HERC1: variants seen among roughly 807,000 people sequenced by gnomAD.
HERC1 encodes HECT and RLD domain containing E3 ubiquitin protein ligase family member 1, also known as probable E3 ubiquitin-protein ligase HERC1.
Under a neutral mutation model 554.3 loss-of-function variants are expected in HERC1, and 160 were observed. The ratio of observed to expected loss-of-function variants is 0.29; its 90% CI spans 0.25 to 0.33. The LOEUF (loss-of-function observed/expected upper bound fraction) is 0.33, where lower values mean the gene tolerates loss of function less well. Among genes scored for constraint, HERC1 ranks in the 10% least tolerant of loss-of-function variants. The pLI, the probability that HERC1 is intolerant of heterozygous loss-of-function variation, is 1.00. For synonymous variants in HERC1, 2,175 were observed against 2,131.7 expected (o/e 1.02, Z -0.56); for missense variants, 4,919 against 5,918.5 (o/e 0.83, Z 5.54).
chr15:63,820,784 C>T (rs1173354005), intron 1 of HERC1, among the ~76,000 whole-genome samples: 1 of 152,078 alleles, frequency 6.6e-6, no homozygotes, highest in Non-Finnish European at 1.5e-5. Flanking sequence ...TCCCAAGTAG[C>T]TAGGACTATA....
intron 48 of HERC1, among the ~76,000 whole-genome samples, chr15:63,656,566 T>A (rs1462559598): frequency 1.3e-5 from 2 of 152,198 alleles, no homozygotes; most frequent in African/African-American, 2.4e-5. Context: ...AGTATTGGCA[T>A]ATACTTGAAG....
intron 1 of HERC1, among the ~76,000 whole-genome samples, chr15:63,806,909 G>A (rs924876718): frequency 2.0e-4 from 31 of 152,102 alleles, no homozygotes; most frequent in Admixed American, 7.2e-4. Flanking sequence ...CACCGCGCCC[G>A]GCTAAGTTTT....
Position 63,727,653 on chromosome 15 carries a change from G to A in HERC1, c.3340C>T (p.Leu1114Phe), listed in dbSNP as rs1446513437. The A allele has an allele frequency of 1.9e-6, 3 of 1,609,560 alleles. No homozygotes were observed. The highest frequency in any genetic ancestry group is 4.5e-5 in the East Asian group (2 of 44,772). Residue 1114 changes from leucine to phenylalanine, a missense_variant, in exon 17 of 78, where the codon CTT becomes TTT. Physicochemically the swap from Leu to Phe is conservative, Grantham distance 22. This residue lies in a region of HERC1 where 1,121 missense variants were observed against 1,244.0 expected (regional missense o/e 0.90). Coordinates refer to ENST00000443617, the MANE Select transcript of HERC1 (RefSeq NM_003922.4). This position sits in a 1 kb window ranked among gnomAD's most constrained non-coding sequence, Gnocchi z 4.3. Reference protein sequence around the residue: ...LLEDQELQWPLHGGPELIDPA... With the variant: ...LLEDQELQWPFHGGPELIDPA... ...TTTTATTGTCTTTACTTACCATGAA[G>A]AGGCCACTGTAACTCCTGGTCTTCT...
At position 63,624,343 on chromosome 15, in the gene HERC1, CG is replaced by C. The variant is rs1566948663; in HGVS notation, c.13276-17del. 1 of 1,565,626 alleles carries C rather than the reference CG, an allele frequency of 6.4e-7. No individual in the cohort carries two copies. The highest frequency in any genetic ancestry group is 1.4e-5 in the African/African-American group (1 of 73,070). On this transcript the variant is annotated splice_polypyrimidine_tract_variant and intron_variant, in intron 71 of 77. Transcript: ENST00000443617. ...ATGTGCTGTTCTGTAACAGAAGGTA[CG>C]GTTATCAGAAATGGTACAATCTAGG...
intron 2 of HERC1, among the ~76,000 whole-genome samples, chr15:63,766,519 C>T (rs908899969): frequency 9.2e-5 from 14 of 152,124 alleles, no homozygotes; most frequent in Admixed American, 7.2e-4. Flanking sequence ...ACCCAGGAGG[C>T]GGAGGTTGCA....
In HERC1 at chr15:63,689,146, C is replaced by T. The variant is rs374778145; in HGVS notation, c.6048+443G>A. Among the ~76,000 whole-genome samples the T allele has an allele frequency of 3.3e-5, 5 of 152,006 alleles. No homozygotes were observed. In the East Asian group the frequency reaches 5.8e-4, roughly 18 times the overall value. On this transcript the variant is annotated intron_variant, in intron 33 of 77. Transcript: ENST00000443617. ...GAATATACGGAGATCCGGGAGAAAG[C>T]GTTTTGAAAATAACAAAAGGCTAGA... is the stretch of plus-strand genomic sequence containing the variant.
intron 1 of HERC1, among the ~76,000 whole-genome samples, chr15:63,807,310 C>T (rs1158372217): frequency 6.6e-6 from 1 of 152,070 alleles, no homozygotes; most frequent in East Asian, 1.9e-4. Context: ...TTGAGAGGCA[C>T]ACATAGGAGG....
intron 37 of HERC1, among the ~76,000 whole-genome samples, chr15:63,675,683 T>A (rs2071161973): frequency 6.6e-6 from 1 of 152,202 alleles, no homozygotes; most frequent in Non-Finnish European, 1.5e-5. Flanking sequence ...GCCTCTATAG[T>A]TTAAGCCAAA....
intron 40 of HERC1, among the ~76,000 whole-genome samples, chr15:63,667,215 A>T (rs1263840011): frequency 6.6e-6 from 1 of 152,238 alleles, no homozygotes; most frequent in Non-Finnish European, 1.5e-5. Context: ...TACTGATCAG[A>T]TGATGGAAAT....
Position 63,651,299 on chromosome 15 carries a change from A to G in HERC1, c.10500T>C (p.Tyr3500=), listed in dbSNP as rs1426043898. The G allele has an allele frequency of 6.2e-7, 1 of 1,613,802 alleles. No homozygotes were observed. The highest frequency in any genetic ancestry group is 1.3e-5 in the African/African-American group (1 of 74,948). The change falls in exon 53 of 78, where the codon TAT becomes TAC. Residue 3500 remains tyrosine, a synonymous_variant. Transcript: ENST00000443617. ...SPVSWSISGK[Y]LAGALEKMVN... is the part of the protein sequence containing the mutation. ...CCATCTTTTCCAAAGCGCCTGCTAG[A>G]TATTTGCCACTGATACTCCAGGAAA...
chr15:63,821,953 T>G (rs1282926632), intron 1 of HERC1, among the ~76,000 whole-genome samples: 2 of 151,888 alleles, frequency 1.3e-5, no homozygotes, highest in East Asian at 3.9e-4. Flanking sequence ...GAAGCATAAG[T>G]GCCATAAAAA....
Position 63,609,233 on chromosome 15 carries a change from A to G in HERC1, c.14434T>C (p.Phe4812Leu). ...TACGGGGGCAGCCTCAGCTGGAAGA[A>G]GCAGGTCTGTGAGGTAGGCAGACTG... ...YDSLPTSQTCFFQLRLPPYSS... is the reference protein window; with the variant it reads ...YDSLPTSQTCLFQLRLPPYSS... Residue 4812 changes from phenylalanine (F) to leucine (L), a missense_variant, in exon 78 of 78, where the codon TTC becomes CTC. By Grantham distance (22) the Phe-to-Leu change is conservative. Transcript: ENST00000443617. 1 of 1,613,440 alleles carries G rather than the reference A, an allele frequency of 6.2e-7. No individual in the cohort carries two copies. Among genetic ancestry groups the G allele is most frequent in the Non-Finnish European group, 8.5e-7 (1 of 1,179,712 alleles).
rs775110758 is a variant in HERC1, at chr15:63,665,990, G to A, written c.8484C>T (p.Pro2828=). The A allele has an allele frequency of 1.2e-6, 2 of 1,614,016 alleles. No individual in the cohort carries two copies. Among genetic ancestry groups the A allele is most frequent in the Non-Finnish European group, 8.5e-7 (1 of 1,179,874 alleles). Residue 2828 remains proline, a synonymous_variant, in exon 42 of 78, where the codon CCC becomes CCT. Transcript: ENST00000443617. ...TGTCTCCAGGTGACTGCAAATAACA[G>A]GGATCATTTGACTTCCCGCCACTGC... The part of the protein sequence containing the change: ...VLGSGGKSND[P]CYLQSPGDIP...
intron 39 of HERC1, among the ~76,000 whole-genome samples, chr15:63,670,738 C>T (rs1029310837): frequency 6.6e-6 from 1 of 151,994 alleles, no homozygotes; most frequent in African/African-American, 2.4e-5. Flanking sequence ...CTGTAATTGC[C>T]AGAGGGATTA....
chr15:63,624,121 C>A, intron 72 of HERC1, 37 bp downstream of exon 72: 1 of 1,541,882 alleles, frequency 6.5e-7, no homozygotes, highest in South Asian at 1.2e-5. Context: ...CTGAAAAAAT[C>A]ACAGCTCATT....
In HERC1 at chr15:63,776,729, G is replaced by A. The variant is rs531522802; in HGVS notation, c.-26-1080C>T. Among the ~76,000 whole-genome samples, 25 of 152,258 alleles carry A rather than the reference G, an allele frequency of 1.6e-4. No individual in the cohort carries two copies. In the South Asian group the frequency reaches 4.8e-3, roughly 29 times the overall value. On this transcript the variant is annotated intron_variant, in intron 1 of 77. Coordinates refer to ENST00000443617, the MANE Select transcript of HERC1 (RefSeq NM_003922.4). ...ACCCATAATCCTAACATTCAGGGAC[G>A]CCAAGGCAGGAGGACTGCTTGAGCT... is the stretch of plus-strand genomic sequence containing the variant.
chr15:63,759,074 T>G (rs955682735), intron 3 of HERC1, among the ~76,000 whole-genome samples: 17 of 152,198 alleles, frequency 1.1e-4, no homozygotes, highest in African/African-American at 4.1e-4. Context: ...TTATTTGTTA[T>G]ATAGGCCATT....
rs764431799 is a variant in HERC1 at position 63,643,425 on chromosome 15, G to A, written c.11310C>T (p.Leu3770=). ...LALVSGGLGG[L]MNIWSLRDGS... is the part of the protein sequence containing the mutation. ...TTACCCTTAAAGACCAAATGTTCAT[G>A]AGCCCACCTAGTCCACCAGACACCA... Residue 3770 remains leucine (L), a synonymous_variant, in exon 58 of 78, where the codon CTC becomes CTT. Transcript: ENST00000443617. 1.9e-6 allele frequency: 3 copies of A among 1,613,054 alleles called. No homozygotes were observed. Among genetic ancestry groups the A allele is most frequent in the East Asian group, 2.2e-5 (1 of 44,850 alleles).
chr15:63,773,624 A>T (rs927520441), intron 2 of HERC1, among the ~76,000 whole-genome samples: 2 of 150,100 alleles, frequency 1.3e-5, no homozygotes, highest in African/African-American at 4.9e-5. Flanking sequence ...GCTCACTGCA[A>T]CCTCCGTCTC....
Sources: allele counts gnomAD v4.1 joint callset (sites outside exome capture counted in the v4.1 genomes callset), GRCh38; gene constraint gnomAD v4.1.1; regional missense constraint gnomAD v4.1.1; non-coding constraint Gnocchi (gnomAD v3.1); transcripts MANE v1.5; gene names NCBI Gene and HGNC (gene_info 2026-07-23, HGNC 2026-07-21).